The following KDM4C variants were observed in gnomAD, a reference collection of about 807,000 sequenced individuals.
The protein encoded by KDM4C is lysine demethylase 4C.
In KDM4C, 81 loss-of-function variants were observed where a neutral mutation model predicts 129.3. That is an observed-to-expected ratio of 0.63 (90% CI 0.52 to 0.75). The LOEUF is 0.75. Among genes scored for constraint, KDM4C ranks in the 30% least tolerant of loss-of-function variants. KDM4C has a pLI of 0.00. For missense variants in KDM4C, 1,457 were observed against 1,304.0 expected (o/e 1.12, Z -1.81); for synonymous variants, 573 against 456.1 (o/e 1.26, Z -3.26).
intron 8 of KDM4C, chr9:6,925,012 A>C (rs889444543): frequency 3.0e-6 from 3 of 985,268 alleles, no homozygotes; most frequent in Non-Finnish European, 3.6e-6. Context: ...TAGGCTTCCT[A>C]CTTCTGAAGT....
intron 14 of KDM4C, among the ~76,000 whole-genome samples, chr9:7,015,093 A>T (rs1335227578): frequency 6.6e-6 from 1 of 152,136 alleles, no homozygotes; most frequent in Non-Finnish European, 1.5e-5. Flanking sequence ...TATTTCATGG[A>T]CATGGTTAAC....
intron 1 of KDM4C, among the ~76,000 whole-genome samples, chr9:6,786,926 G>C (rs1418759559): frequency 6.6e-6 from 1 of 151,988 alleles, no homozygotes; most frequent in African/African-American, 2.4e-5. Flanking sequence ...CAAAGATCTG[G>C]GTGGTGTAGT....
chr9:7,155,348 TTTTA>T (rs934326605), intron 19 of KDM4C, among the ~76,000 whole-genome samples: 7 of 152,290 alleles, frequency 4.6e-5, no homozygotes, highest in East Asian at 1.9e-4. Flanking sequence ...TTTTCAGACC[TTTTA>T]TTTATTATTT....
At chr9:6,792,018 G>A (rs771125566) in intron 1 of KDM4C, among the ~76,000 whole-genome samples, 5 of 151,506 alleles carry the variant, frequency 3.3e-5, no homozygotes, top group Non-Finnish European at 5.9e-5. Context: ...GTAAAACTCC[G>A]TCTCAAAAAG....
At chr9:6,816,861 G>A (rs201416526) in intron 4 of KDM4C, among the ~76,000 whole-genome samples, 1 of 121,516 alleles carries the variant, frequency 8.2e-6, no homozygotes, top group Non-Finnish European at 1.8e-5. Context: ...TTTTTTTTTT[G>A]GCTTAAGTTC....
Position 6,826,781 on chromosome 9 carries a change from C to T in KDM4C, c.435+12036C>T, listed in dbSNP as rs7872592. The stretch of plus-strand genomic sequence containing the variant: ...ATTGGGGAAGCTGAGGCAGGAGAAT[C>T]GCTTGAACCTGGGAGGTAGAGGTTG... On this transcript the variant is annotated intron_variant, in intron 4 of 21. Transcript: ENST00000381309. 1.4e-3 allele frequency among the ~76,000 whole-genome samples: 206 copies of T among 151,770 alleles called. 1 individual carries two copies. Among genetic ancestry groups the T allele is most frequent in the African/African-American group, 4.1e-3 (170 of 41,340 alleles).
intron 8 of KDM4C, among the ~76,000 whole-genome samples, chr9:6,901,684 G>A (rs1817435275): frequency 1.3e-5 from 2 of 152,212 alleles, no homozygotes. Context: ...TTTAGGGAAA[G>A]GGGCTCTGCC....
intron 8 of KDM4C, among the ~76,000 whole-genome samples, chr9:6,915,889 C>T (rs977712652): frequency 6.6e-6 from 1 of 152,166 alleles, no homozygotes; most frequent in Non-Finnish European, 1.5e-5. Context: ...GAGAAGCTCG[C>T]AAAGACTCCT....
chr9:7,163,686 G>T (rs7046542), intron 19 of KDM4C, among the ~76,000 whole-genome samples: 7 of 151,918 alleles, frequency 4.6e-5, no homozygotes, highest in Non-Finnish European at 8.8e-5. Context: ...TCTCGGTACC[G>T]CATAAATCTT....
In KDM4C at chr9:7,141,708, G is replaced by T. The variant is rs1841756591; in HGVS notation, c.2781+13472G>T. 2.0e-5 allele frequency among the ~76,000 whole-genome samples: 3 copies of T among 152,182 alleles called. No individual in the cohort carries two copies. In the South Asian group the frequency reaches 6.2e-4, roughly 32 times the overall value. On this transcript the variant is annotated intron_variant, in intron 19 of 21. Transcript: ENST00000381309. Reference sequence around the variant, plus strand: ...GTTGTGTTGGAGTTTCTTCCCTTCTGCTCTGTTTTATACACCTAGAGCAGT... The same window carrying T: ...GTTGTGTTGGAGTTTCTTCCCTTCTTCTCTGTTTTATACACCTAGAGCAGT...
intron 18 of KDM4C, chr9:7,105,649 C>T (rs372866245): frequency 1.0e-4 from 35 of 349,340 alleles, no homozygotes; most frequent in East Asian, 9.8e-4. Context: ...GAATTCCAAA[C>T]CCCAAACCTC....
Position 7,174,758 on chromosome 9 carries a change from C to T in KDM4C, c.*29C>T. ...GCATACATCGCTGCAGGCCACAGAG[C>T]AGCTTGGGTTGGAAGAGAGAAGATG... On this transcript the variant is annotated 3_prime_UTR_variant, in exon 22 of 22. Transcript: ENST00000381309. 6.3e-7 allele frequency: 1 copy of T among 1,598,920 alleles called. No homozygotes were observed. Among genetic ancestry groups the T allele is most frequent in the Non-Finnish European group, 8.6e-7 (1 of 1,168,196 alleles).
chr9:7,095,706 C>T (rs1174554649), intron 17 of KDM4C, among the ~76,000 whole-genome samples: 3 of 152,096 alleles, frequency 2.0e-5, no homozygotes, highest in Admixed American at 1.3e-4. Flanking sequence ...TTAAGGAGTT[C>T]TTCTAAGTAA....
chr9:6,934,158 C>G (rs556757957), intron 8 of KDM4C, among the ~76,000 whole-genome samples: 1 of 142,452 alleles, frequency 7.0e-6, no homozygotes, highest in South Asian at 2.5e-4. Flanking sequence ...TGGCCCAGGT[C>G]TTCCTGATTG....
chr9:6,981,796 T>C (rs1454363017), intron 9 of KDM4C: 2 of 246,134 alleles, frequency 8.1e-6, no homozygotes, highest in African/African-American at 2.3e-5. Context: ...TTTCCAATTT[T>C]ATGTTAAATT....
chr9:6,825,251 CATG>C (rs760720159), intron 4 of KDM4C, among the ~76,000 whole-genome samples: 13 of 151,742 alleles, frequency 8.6e-5, no homozygotes, highest in Non-Finnish European at 1.6e-4. Context: ...ACTCTATACT[CATG>C]AGAGTGAAAA....
chr9:6,850,833 C>T (rs1417782061), intron 5 of KDM4C, among the ~76,000 whole-genome samples: 1 of 152,214 alleles, frequency 6.6e-6, no homozygotes, highest in African/African-American at 2.4e-5. Context: ...CGGCTCACTG[C>T]AACCTCCACC....
chr9:7,028,359 C>A (rs773463398), intron 15 of KDM4C, among the ~76,000 whole-genome samples: 2 of 151,764 alleles, frequency 1.3e-5, no homozygotes, highest in African/African-American at 4.8e-5. Context: ...TCCCTTCCGG[C>A]CAAGGGTGTG....
intron 8 of KDM4C, among the ~76,000 whole-genome samples, chr9:6,943,525 G>C (rs138118010): frequency 7.9e-5 from 12 of 152,006 alleles, no homozygotes; most frequent in Non-Finnish European, 1.2e-4. Context: ...CCTGGGTAAC[G>C]TTAGCTGAGC....
Sources: allele counts gnomAD v4.1 joint callset (sites outside exome capture counted in the v4.1 genomes callset), GRCh38; gene constraint gnomAD v4.1.1; transcripts MANE v1.5; gene names NCBI Gene and HGNC (gene_info 2026-07-23, HGNC 2026-07-21).